ARHGAP26: variants seen among roughly 807,000 people sequenced by gnomAD.
ARHGAP26 encodes the protein rho GTPase-activating protein 26.
Under a neutral mutation model 104.8 loss-of-function variants are expected in ARHGAP26, and 38 were observed. The ratio of observed to expected loss-of-function variants is 0.36; its 90% CI spans 0.28 to 0.48. The LOEUF (loss-of-function observed/expected upper bound fraction) is 0.48. ARHGAP26 is among the 20% of genes least tolerant of loss of function. The pLI is 0.99. For synonymous variants in ARHGAP26, 341 were observed against 340.0 expected, an observed-to-expected ratio of 1.00 and a Z score of -0.03; for missense variants, 704 against 947.9, an observed-to-expected ratio of 0.74 and a Z score of 3.38.
rs577590140 is a variant in ARHGAP26 at position 142,880,169 on chromosome 5, G to GGGAATCCT, written c.384+726_384+733dup. Among the ~76,000 whole-genome samples, 124 of 152,294 alleles carry GGGAATCCT rather than the reference G, an allele frequency of 8.1e-4. 3 individuals carry two copies. The East Asian group carries it at 0.02, about 25-fold the overall frequency. ...TAATGTGTTCTTGAGAGACTGCAAA[G>GGGAATCCT]GGAATCCTGTTCCTTTTTAAAAGGT... On this transcript the variant is annotated intron_variant, in intron 4 of 22. Coordinates refer to ENST00000645722, the MANE Select transcript of ARHGAP26 (RefSeq NM_001135608.3).
chr5:143,075,279 G>A (rs1252573842), intron 17 of ARHGAP26, among the ~76,000 whole-genome samples: 14 of 150,944 alleles, frequency 9.3e-5, no homozygotes, highest in Admixed American at 8.6e-4. Context: ...ATTATGTATA[G>A]TGATTTTAGT....
At chr5:143,176,942 G>T (rs1159228251) in intron 20 of ARHGAP26, among the ~76,000 whole-genome samples, 1 of 152,192 alleles carries the variant, frequency 6.6e-6, no homozygotes, top group African/African-American at 2.4e-5. Context: ...AACTAGTTCT[G>T]TGGAAAGCAA....
At chr5:143,011,303 C>CTTTTTTTTTTTTTTTTTTTTTTTTTT (rs58841045) in intron 11 of ARHGAP26, among the ~76,000 whole-genome samples, 1 of 110,988 alleles carries the variant, frequency 9.0e-6, no homozygotes, top group Non-Finnish European at 1.7e-5. Flanking sequence ...TAAACCCCCG[C>CTTTTTTTTTTTTTTTTTTTTTTTTTT]TTTTTTTTTT....
At chr5:143,112,662 T>C (rs1794913612) in intron 17 of ARHGAP26, among the ~76,000 whole-genome samples, 1 of 152,184 alleles carries the variant, frequency 6.6e-6, no homozygotes, top group South Asian at 2.1e-4. Context: ...TTTTCAACTC[T>C]GTGAATTTGA....
intron 1 of ARHGAP26, among the ~76,000 whole-genome samples, chr5:142,872,760 G>A (rs771653076): frequency 1.3e-5 from 2 of 152,232 alleles, no homozygotes; most frequent in African/African-American, 4.8e-5. Context: ...GGTGTTGGAT[G>A]TGGCCAGCCA....
chr5:143,020,478 T>C (rs1042730612), intron 12 of ARHGAP26, among the ~76,000 whole-genome samples: 2 of 152,066 alleles, frequency 1.3e-5, no homozygotes, highest in Non-Finnish European at 2.9e-5. Flanking sequence ...TGCCCAGAGC[T>C]CATGGATTTG....
intron 1 of ARHGAP26, among the ~76,000 whole-genome samples, chr5:142,789,679 G>A (rs1759395122): frequency 6.6e-6 from 1 of 152,064 alleles, no homozygotes; most frequent in Admixed American, 6.6e-5. Context: ...AATTATTTCC[G>A]TTCTCAGCAC....
intron 5 of ARHGAP26, among the ~76,000 whole-genome samples, chr5:142,890,610 A>G (rs894672654): frequency 2.6e-5 from 4 of 152,092 alleles, no homozygotes; most frequent in Non-Finnish European, 4.4e-5. Context: ...GGAGAGAATG[A>G]AGACAGAGAG....
chr5:143,194,309 A>T (rs888961710), intron 20 of ARHGAP26: 4 of 152,210 alleles, frequency 2.6e-5, no homozygotes, highest in African/African-American at 9.7e-5. Context: ...GCACAGTAGG[A>T]TGGACTGGAA....
intron 4 of ARHGAP26, 139 bp downstream of exon 4, chr5:142,879,584 C>G: frequency 1.3e-6 from 1 of 764,710 alleles, no homozygotes; most frequent in Non-Finnish European, 2.1e-6. Flanking sequence ...AGGCAGAAAA[C>G]TCTATAGAGC....
intron 4 of ARHGAP26, among the ~76,000 whole-genome samples, chr5:142,882,032 A>G (rs1220869115): frequency 6.6e-6 from 1 of 152,174 alleles, no homozygotes; most frequent in African/African-American, 2.4e-5. Flanking sequence ...CTAAGTTTCT[A>G]TTTCCAAGTT....
chr5:142,899,062 G>A (rs1368976955), intron 6 of ARHGAP26, among the ~76,000 whole-genome samples: 1 of 152,186 alleles, frequency 6.6e-6, no homozygotes, highest in Non-Finnish European at 1.5e-5. Context: ...GCTTATAGAT[G>A]CCTCCCTCCA....
chr5:143,183,517 C>T (rs1804704402), intron 20 of ARHGAP26, among the ~76,000 whole-genome samples: 1 of 152,178 alleles, frequency 6.6e-6, no homozygotes, highest in African/African-American at 2.4e-5. Context: ...GGGAGTTGGC[C>T]TTATCCTGAA....
chr5:142,770,620 G>A lies in ARHGAP26; in HGVS notation c.-142G>A. On this transcript the variant is annotated 5_prime_UTR_variant, in exon 1 of 23. Transcript: ENST00000645722. ...AGTCTTGCGCGCCGGCGGACACCGC[G>A]CGCGGAGTGAGCCAGCGCCACACCT... 1.9e-6 allele frequency: 1 copy of A among 517,218 alleles called. No homozygotes were observed. Among genetic ancestry groups the A allele is most frequent in the Non-Finnish European group, 2.6e-6 (1 of 391,532 alleles). The allele number at this position is 517,218 out of a possible 1,614,324, so 32.0% of individuals were successfully genotyped here.
intron 20 of ARHGAP26, among the ~76,000 whole-genome samples, chr5:143,182,374 GA>G (rs2151196641): frequency 6.6e-6 from 1 of 152,292 alleles, no homozygotes; most frequent in South Asian, 2.1e-4. Flanking sequence ...GTTTCCCTCT[GA>G]AATGTTCTTG....
At chr5:142,866,986 G>A (rs1319591287) in intron 1 of ARHGAP26, 1 of 152,130 alleles carries the variant, frequency 6.6e-6, no homozygotes, top group African/African-American at 2.4e-5. Context: ...CAGGCCCTCC[G>A]AATGTGTTAG....
chr5:143,222,279 ACACACC>A (rs2151436272), intron 22 of ARHGAP26, 73 bp from the exon 23 acceptor site: 10 of 835,552 alleles, frequency 1.2e-5, no homozygotes, highest in South Asian at 2.2e-5. Flanking sequence ...ACACACACAC[ACACACC>A]CCACACACAC....
chr5:143,224,522 G>T lies in ARHGAP26; in HGVS notation c.*2076G>T. 4.3e-6 allele frequency: 1 copy of T among 230,890 alleles called. No individual in the cohort carries two copies. The highest frequency in any genetic ancestry group is 8.6e-6 in the Non-Finnish European group (1 of 116,566). The allele number at this position is 230,890 out of a possible 1,614,324, so 14.3% of individuals were successfully genotyped here. A position where few individuals can be genotyped will look rare whatever the true frequency, so the allele number is the denominator to read the frequency against. ...AGTGGGGTCAGGCATTCGAGTTTTT[G>T]TCTTTCTTCTCAGGTGTATTTCTTG... On this transcript the variant is annotated 3_prime_UTR_variant, in exon 23 of 23. Coordinates refer to ENST00000645722, the MANE Select transcript of ARHGAP26 (RefSeq NM_001135608.3).
chr5:143,205,676 G>A (rs1255435998), intron 20 of ARHGAP26, among the ~76,000 whole-genome samples: 2 of 152,182 alleles, frequency 1.3e-5, no homozygotes, highest in Admixed American at 6.5e-5. Context: ...CAGCAGATGA[G>A]GTTTGAACCT....
Sources: gnomAD v4.1 joint callset for allele counts (sites outside exome capture counted in the v4.1 genomes callset) on GRCh38, gnomAD v4.1.1 for gene constraint, MANE v1.5 for transcripts, NCBI Gene and HGNC (gene_info 2026-07-23, HGNC 2026-07-21) for gene names.